Variants in NOTCH2 observed in about 807,000 individuals in gnomAD.
NOTCH2 encodes neurogenic locus notch homolog protein 2.
In NOTCH2, 29 loss-of-function variants were observed where a neutral mutation model predicts 235.8. That is an observed-to-expected ratio of 0.12 (90% CI 0.09 to 0.17). The LOEUF (loss-of-function observed/expected upper bound fraction) is 0.17. Among genes scored for constraint, NOTCH2 ranks in the 10% least tolerant of loss-of-function variants. The probability of loss-of-function intolerance (pLI) is 1.00; values close to 1 mark genes in which losing one functional copy is unlikely to be tolerated. For synonymous variants in NOTCH2, 1,086 were observed against 1,141.5 expected (o/e 0.95, Z 0.98); for missense variants, 2,285 against 3,150.2 (o/e 0.73, Z 6.57).
intron 5 of NOTCH2, among the ~76,000 whole-genome samples, chr1:119,975,913 T>A (rs1229257442): frequency 6.6e-6 from 1 of 151,314 alleles, no homozygotes; most frequent in African/African-American, 2.4e-5. Flanking sequence ...GGGTAAAAAA[T>A]AGAGGGGGAC....
chr1:119,976,414 T>G (rs1252647879), intron 5 of NOTCH2: 1 of 150,698 alleles, frequency 6.6e-6, no homozygotes, highest in Admixed American at 6.6e-5. Flanking sequence ...TAAACACTGC[T>G]GTCTACAGGG....
intron 14 of NOTCH2, among the ~76,000 whole-genome samples, chr1:119,951,427 C>T (rs1650470104): frequency 6.6e-6 from 1 of 152,190 alleles, no homozygotes; most frequent in East Asian, 1.9e-4. Flanking sequence ...GCTGGGATTA[C>T]AGGTGTGAGC....
chr1:119,999,948 AAAG>A (rs1557840100), intron 3 of NOTCH2, among the ~76,000 whole-genome samples: 79 of 129,294 alleles, frequency 6.1e-4, no homozygotes, highest in African/African-American at 2.6e-3. Flanking sequence ...AGAAAGAAAG[AAAG>A]AAAGAAAGAA....
chr1:119,931,331 C>A (rs1031461273), intron 22 of NOTCH2, among the ~76,000 whole-genome samples: 1 of 151,874 alleles, frequency 6.6e-6, no homozygotes, highest in South Asian at 2.1e-4. Flanking sequence ...CTAACAGACA[C>A]AAAAGAGACT....
At chr1:119,987,119 C>T (rs1553202320) in intron 4 of NOTCH2, 37 bp from the exon 5 acceptor site, 1 of 1,611,696 alleles carries the variant, frequency 6.2e-7, no homozygotes, top group East Asian at 2.2e-5. Flanking sequence ...GATGAAATCT[C>T]ATACAGAAGA....
intron 1 of NOTCH2, among the ~76,000 whole-genome samples, chr1:120,046,042 G>A (rs1274154393): frequency 1.3e-5 from 2 of 151,618 alleles, no homozygotes; most frequent in Admixed American, 1.3e-4. Flanking sequence ...GTATTTACTT[G>A]AGGAAGCGTT....
intron 17 of NOTCH2, among the ~76,000 whole-genome samples, chr1:119,947,651 C>T (rs1275279400): frequency 6.6e-6 from 1 of 152,152 alleles, no homozygotes; most frequent in Non-Finnish European, 1.5e-5. Context: ...GATTCTACTC[C>T]TAGGTATTTA....
chr1:119,980,326 A>C (rs190600005), intron 5 of NOTCH2, among the ~76,000 whole-genome samples: 2 of 152,272 alleles, frequency 1.3e-5, no homozygotes, highest in African/African-American at 4.8e-5. Flanking sequence ...TGTAAGAGTA[A>C]ACCCCTCCCA....
rs373794377 is a variant in NOTCH2 at position 119,950,096 on chromosome 1, C to G, written c.2479+628G>C. Reference sequence around the variant, plus strand: ...CACACTCACGTCTTCTCAGTTGTAACAGCCATCGAAGGGGTGACACCTCTG... The same window carrying G: ...CACACTCACGTCTTCTCAGTTGTAAGAGCCATCGAAGGGGTGACACCTCTG... On this transcript the variant is annotated intron_variant, in intron 15 of 33. Transcript: ENST00000256646. 57 of 230,352 alleles carry G rather than the reference C, an allele frequency of 2.5e-4. 1 individual carries two copies. Among genetic ancestry groups the G allele is most frequent in the Admixed American group, 9.9e-4 (19 of 19,258 alleles). 14.3% of individuals were successfully genotyped at this position (230,352 alleles called of 1,614,324 possible). A position where few individuals can be genotyped will look rare whatever the true frequency, so the allele number is the denominator to read the frequency against.
intron 3 of NOTCH2, among the ~76,000 whole-genome samples, chr1:119,999,830 C>T (rs1409889388): frequency 1.1e-4 from 16 of 150,506 alleles, no homozygotes; most frequent in South Asian, 4.2e-4. Flanking sequence ...TGCAGTGAGC[C>T]GAGACTGCGC....
chr1:119,941,435 G>T, intron 18 of NOTCH2, 91 bp downstream of exon 18: 1 of 897,558 alleles, frequency 1.1e-6, no homozygotes, highest in Non-Finnish European at 1.8e-6. Flanking sequence ...CCTCATCCCT[G>T]CTCCACAATT....
In NOTCH2 at chr1:119,937,960, G is replaced by A. The variant is rs7543643; in HGVS notation, c.3234C>T (p.Cys1078=). 21,213 of 1,614,044 alleles carry A rather than the reference G, an allele frequency of 0.013. 1,910 individuals carry two copies. In the African/African-American group the frequency reaches 0.22, roughly 17 times the overall value. The change falls in exon 20 of 34, where the codon TGC becomes TGT. Residue 1078 remains cysteine (C), a synonymous_variant. Coordinates refer to ENST00000256646, the MANE Select transcript of NOTCH2 (RefSeq NM_024408.4). The part of the protein sequence containing the change: ...SRSPCKNKGT[C]VQKKAESQCL... ...ACTGGGACTCTGCTTTTTTCTGAAC[G>A]CAAGTACCTTTGTTTTTACATGGAG...
chr1:119,980,240 CTGACTA>C (rs1171531200), intron 5 of NOTCH2, among the ~76,000 whole-genome samples: 1 of 152,218 alleles, frequency 6.6e-6, no homozygotes, highest in Non-Finnish European at 1.5e-5. Context: ...CTTCCACTCT[CTGACTA>C]TAACTTTCCC....
chr1:119,916,724 G>T, intron 33 of NOTCH2, 30 bp from the exon 34 acceptor site: 1 of 1,608,720 alleles, frequency 6.2e-7, no homozygotes, highest in Non-Finnish European at 8.5e-7. Flanking sequence ...CAGAACACAT[G>T]TTAATAACAC....
Position 119,940,654 on chromosome 1 carries a change from T to C in NOTCH2, c.3084A>G (p.Glu1028=). ...CATTCAGGCATGGATGAGAGCTGCA[T>C]TCATTGATCTCATGGAGGCAGAAGG... ...TGSFCLHEIN[E]CSSHPCLNEG... is the part of the protein sequence containing the mutation. Residue 1028 remains glutamate, a synonymous_variant, in exon 19 of 34, where the codon GAA becomes GAG. Transcript: ENST00000256646. 3 of 1,614,094 alleles carry C rather than the reference T, an allele frequency of 1.9e-6. No homozygotes were observed. Among genetic ancestry groups the C allele is most frequent in the Non-Finnish European group, 2.5e-6 (3 of 1,179,978 alleles).
chr1:119,938,805 C>A (rs1182371251), intron 19 of NOTCH2, among the ~76,000 whole-genome samples: 1 of 152,016 alleles, frequency 6.6e-6, no homozygotes, highest in Admixed American at 6.6e-5. Flanking sequence ...CTCAGCCTCC[C>A]GAGTAGCTGG....
chr1:119,944,779 A>G (rs1650196014), intron 17 of NOTCH2, among the ~76,000 whole-genome samples: 1 of 152,154 alleles, frequency 6.6e-6, no homozygotes, highest in Admixed American at 6.5e-5. Context: ...CCCTGTGAAA[A>G]TATCTTTGAA....
At chr1:119,940,495 A>G in intron 19 of NOTCH2, 60 bp downstream of exon 19, 3 of 1,447,624 alleles carry the variant, frequency 2.1e-6, no homozygotes, top group South Asian at 1.1e-5. Flanking sequence ...CTAGAAAGTG[A>G]ACAGGTATAA....
chr1:119,956,281 A>ATTCT (rs1219157196), intron 12 of NOTCH2, among the ~76,000 whole-genome samples: 1 of 152,252 alleles, frequency 6.6e-6, no homozygotes. Context: ...ATTACCTATA[A>ATTCT]TTCTATAAAT....
Sources: gnomAD v4.1 joint callset for allele counts (sites outside exome capture counted in the v4.1 genomes callset) on GRCh38, gnomAD v4.1.1 for gene constraint, MANE v1.5 for transcripts, NCBI Gene and HGNC (gene_info 2026-07-23, HGNC 2026-07-21) for gene names.